RHBDL3: variants seen among roughly 807,000 people sequenced by gnomAD.
The protein encoded by RHBDL3 is rhomboid-related protein 3.
In RHBDL3, 28 loss-of-function variants were observed where a neutral mutation model predicts 48.2. That is an observed-to-expected ratio of 0.58 (90% confidence interval 0.43 to 0.80). RHBDL3 has a LOEUF of 0.80. Ranked by LOEUF, RHBDL3 falls within the 30% of genes least tolerant of loss-of-function variation. The pLI is 0.00. For missense variants in RHBDL3, 464 were observed against 542.7 expected (o/e 0.85, Z 1.44); for synonymous variants, 208 against 232.3 (o/e 0.90, Z 0.95).
At chr17:32,278,467 C>T (rs2039965088) in intron 2 of RHBDL3, among the ~76,000 whole-genome samples, 1 of 152,142 alleles carries the variant, frequency 6.6e-6, no homozygotes, top group Admixed American at 6.5e-5. Context: ...GTTCCTTTTG[C>T]CCTATGCACC....
intron 2 of RHBDL3, 40 bp downstream of exon 2, chr17:32,267,965 C>G (rs752666190): frequency 1.3e-6 from 2 of 1,518,328 alleles, no homozygotes; most frequent in South Asian, 1.1e-5. Flanking sequence ...TCCAGCCCTC[C>G]CTGAAATCGG....
chr17:32,289,224 G>C (rs1333894326), intron 4 of RHBDL3, among the ~76,000 whole-genome samples: 1 of 152,200 alleles, frequency 6.6e-6, no homozygotes. Flanking sequence ...ACTGCAAAGA[G>C]ATATTCCAAA....
chr17:32,303,112 A>G (rs2040624953), intron 6 of RHBDL3, among the ~76,000 whole-genome samples: 1 of 152,096 alleles, frequency 6.6e-6, no homozygotes, highest in Non-Finnish European at 1.5e-5. Context: ...TAGGGTCAGG[A>G]CTCCGAGCCA....
intron 2 of RHBDL3, among the ~76,000 whole-genome samples, chr17:32,278,834 A>G (rs2039974621): frequency 6.6e-6 from 1 of 152,156 alleles, no homozygotes; most frequent in Non-Finnish European, 1.5e-5. Flanking sequence ...GCTACTGTAA[A>G]TCACACTCAA....
At chr17:32,278,254 C>T (rs1292815453) in intron 2 of RHBDL3, among the ~76,000 whole-genome samples, 1 of 152,124 alleles carries the variant, frequency 6.6e-6, no homozygotes, top group Non-Finnish European at 1.5e-5. Flanking sequence ...GCCAAGATCG[C>T]ACCACTGCAT....
intron 7 of RHBDL3, among the ~76,000 whole-genome samples, chr17:32,309,843 G>GGCACA (rs2040801679): frequency 7.3e-6 from 1 of 136,594 alleles, no homozygotes; most frequent in African/African-American, 2.8e-5. Context: ...GCAATGGGGT[G>GGCACA]ATCTCGGGTC....
chr17:32,298,274 G>T, intron 6 of RHBDL3, 70 bp downstream of exon 6: 4 of 1,008,306 alleles, frequency 4.0e-6, no homozygotes, highest in Non-Finnish European at 6.1e-6. Context: ...CTGTGGGGCG[G>T]GGCAAGCCCC....
At chr17:32,274,072 G>A (rs566296304) in intron 2 of RHBDL3, among the ~76,000 whole-genome samples, 3 of 152,298 alleles carry the variant, frequency 2.0e-5, no homozygotes, top group African/African-American at 7.2e-5. Flanking sequence ...CAGAGCCCCA[G>A]TTGGGGTTCC....
chr17:32,296,920 T>TCTC (rs1415109217), intron 5 of RHBDL3, among the ~76,000 whole-genome samples: 1 of 151,954 alleles, frequency 6.6e-6, no homozygotes, highest in Non-Finnish European at 1.5e-5. Flanking sequence ...TTCAAGCTAT[T>TCTC]CTCCTGCCTC....
chr17:32,298,056 A>T, intron 5 of RHBDL3, 36 bp from the exon 6 acceptor site: 2 of 1,359,034 alleles, frequency 1.5e-6, no homozygotes, highest in Admixed American at 1.7e-5. Context: ...GAATGAATGA[A>T]TAGATGAATG....
rs139429417 is a variant in RHBDL3 at position 32,289,923 on chromosome 17, G to A, written c.519+907G>A. ...TCTTTTCTTCTAAGTCAGAATATCT[G>A]GTCTGCAGGCCAGCATTCCCCTGTT... On this transcript the variant is annotated intron_variant, in intron 4 of 8. Coordinates refer to ENST00000269051, the MANE Select transcript of RHBDL3 (RefSeq NM_138328.3). Among the ~76,000 whole-genome samples, 70 of 152,284 alleles carry A rather than the reference G, an allele frequency of 4.6e-4. 1 individual carries two copies. In the East Asian group the frequency reaches 0.013, roughly 29 times the overall value.
chr17:32,297,908 CTCTT>C (rs1315145476), intron 5 of RHBDL3, among the ~76,000 whole-genome samples, 180 bp from the exon 6 acceptor site: 2 of 152,166 alleles, frequency 1.3e-5, no homozygotes, highest in African/African-American at 4.8e-5. Flanking sequence ...GGAAGGAACA[CTCTT>C]TCCAAGATGG....
intron 7 of RHBDL3, among the ~76,000 whole-genome samples, chr17:32,315,580 C>T (rs567527691): frequency 5.8e-4 from 89 of 152,176 alleles, no homozygotes; most frequent in Admixed American, 1.4e-3. Flanking sequence ...GTGAAACCCC[C>T]GATGGTTGGG....
In RHBDL3 at chr17:32,305,400, G is replaced by T; in HGVS notation, c.841G>T (p.Val281Leu). 1.9e-6 allele frequency: 3 copies of T among 1,613,860 alleles called. No individual in the cohort carries two copies. The highest frequency in any genetic ancestry group is 2.5e-6 in the Non-Finnish European group (3 of 1,179,784). Residue 281 changes from valine to leucine, a missense_variant, in exon 7 of 9, where the codon GTG (valine) becomes TTG (leucine). By Grantham distance (32) the Val-to-Leu change is conservative (BLOSUM62 1). Coordinates refer to ENST00000269051, the MANE Select transcript of RHBDL3 (RefSeq NM_138328.3). ...TCCAGTCGTGGGCTCTTCTGGAGGG[G>T]TGTATGCTCTCGTCTCTGCCCATCT... ...TAPVVGSSGGVYALVSAHLAN... is the reference protein window; with the variant it reads ...TAPVVGSSGGLYALVSAHLAN...
At position 32,281,408 on chromosome 17, in the gene RHBDL3, C is replaced by T. The variant is rs141854754; in HGVS notation, c.136-3251C>T. ...GGGATTGGTGCTTGCTCCCAGGGCACGCAAAGTCATTGGGCTCCCTTCTCT... is the reference window on the plus strand; with the variant it reads ...GGGATTGGTGCTTGCTCCCAGGGCATGCAAAGTCATTGGGCTCCCTTCTCT... On this transcript the variant is annotated intron_variant, in intron 2 of 8. Transcript: ENST00000269051. Among the ~76,000 whole-genome samples the T allele has an allele frequency of 4.2e-4, 64 of 152,092 alleles. No individual in the cohort carries two copies. The East Asian group carries it at 7.0e-3, about 17-fold the overall frequency.
chr17:32,294,166 G>C (rs2040398509), intron 4 of RHBDL3, 128 bp from the exon 5 acceptor site: 4 of 693,324 alleles, frequency 5.8e-6, no homozygotes, highest in Admixed American at 2.9e-5. Context: ...CCCTGGCTGT[G>C]GGGTATCCCT....
intron 7 of RHBDL3, among the ~76,000 whole-genome samples, chr17:32,308,135 G>T (rs1307650805): frequency 3.3e-5 from 5 of 152,190 alleles, no homozygotes. Context: ...TGTTCCAGTT[G>T]ATGCTTCTCT....
intron 4 of RHBDL3, among the ~76,000 whole-genome samples, chr17:32,291,960 C>T (rs879827588): frequency 1.3e-5 from 2 of 151,790 alleles, no homozygotes; most frequent in South Asian, 2.1e-4. Flanking sequence ...TTAGTAGAGA[C>T]GGGGTTTCAC....
intron 2 of RHBDL3, among the ~76,000 whole-genome samples, chr17:32,279,167 C>T (rs925124245): frequency 6.6e-6 from 1 of 152,172 alleles, no homozygotes; most frequent in Non-Finnish European, 1.5e-5. Flanking sequence ...GCTTGGACAA[C>T]AGGTATATGC....
Sources: gnomAD v4.1 joint callset for allele counts (sites outside exome capture counted in the v4.1 genomes callset) on GRCh38, gnomAD v4.1.1 for gene constraint, MANE v1.5 for transcripts, NCBI Gene and HGNC (gene_info 2026-07-23, HGNC 2026-07-21) for gene names.